Variants in CDIP1 observed in about 807,000 individuals in gnomAD.
CDIP1 encodes the protein cell death-inducing p53-target protein 1.
In CDIP1, 9 loss-of-function variants were observed where a neutral mutation model predicts 17.7. The ratio of observed to expected loss-of-function variants is 0.51; its 90% CI spans 0.31 to 0.89. The LOEUF is 0.89. CDIP1 is among the 40% of genes least tolerant of loss of function. The pLI is 0.05. For missense variants in CDIP1, 263 were observed against 277.9 expected (o/e 0.95, Z 0.38); for synonymous variants, 117 against 109.5 (o/e 1.07, Z -0.43).
intron 1 of CDIP1, among the ~76,000 whole-genome samples, chr16:4,530,666 AC>A: frequency 6.6e-6 from 1 of 151,552 alleles, no homozygotes; most frequent in South Asian, 2.1e-4. Context: ...AAAAACAAAA[AC>A]AAAAAAAACA....
intron 1 of CDIP1, among the ~76,000 whole-genome samples, chr16:4,521,876 T>A (rs1246574838): frequency 6.6e-6 from 1 of 152,088 alleles, no homozygotes; most frequent in African/African-American, 2.4e-5. Flanking sequence ...GAAGAGAGAC[T>A]GTGTGTGAAA....
rs1284118011 is a variant in CDIP1 at position 4,513,000 on chromosome 16, T to C, written c.306A>G (p.Pro102=). The part of the protein sequence containing the change: ...MGYYPPGPYT[P]GPYPGPGGHT... ...GGCCCCCAGGGCCAGGGTAGGGCCC[T>C]GGCGTGTAGGGCCCTGGGGGGTAGT... is the stretch of plus-strand genomic sequence containing the variant. Residue 102 remains proline, a synonymous_variant, in exon 5 of 6, where the codon CCA becomes CCG. Coordinates refer to ENST00000567695, the MANE Select transcript of CDIP1 (RefSeq NM_013399.3). This position sits in a 1 kb window ranked among gnomAD's most constrained non-coding sequence, Gnocchi z 4.6. The C allele has an allele frequency of 1.3e-6, 2 of 1,590,654 alleles. No individual in the cohort carries two copies. Among genetic ancestry groups the C allele is most frequent in the Admixed American group, 1.8e-5 (1 of 55,466 alleles).
intron 1 of CDIP1, among the ~76,000 whole-genome samples, chr16:4,537,135 G>A (rs557933671): frequency 6.6e-6 from 1 of 152,230 alleles, no homozygotes; most frequent in Admixed American, 6.5e-5. Flanking sequence ...TCTAATTAAT[G>A]ACATGCATGC....
chr16:4,537,730 G>A (rs2059123876), intron 1 of CDIP1, among the ~76,000 whole-genome samples: 1 of 152,202 alleles, frequency 6.6e-6, no homozygotes, highest in Non-Finnish European at 1.5e-5. Context: ...TTTCCCAAGA[G>A]CCCCAGGTGG....
intron 1 of CDIP1, among the ~76,000 whole-genome samples, chr16:4,527,373 C>T (rs2059011235): frequency 6.6e-6 from 1 of 152,174 alleles, no homozygotes; most frequent in Non-Finnish European, 1.5e-5. Flanking sequence ...AGGCAAGTGC[C>T]ACCGCACCCG....
At chr16:4,536,541 C>T (rs2059107768) in intron 1 of CDIP1, 1 of 152,150 alleles carries the variant, frequency 6.6e-6, no homozygotes, top group Non-Finnish European at 1.5e-5. Flanking sequence ...ATTCCGTTAG[C>T]TCCTTCTCAA....
At chr16:4,523,586 A>T (rs1257584618) in intron 1 of CDIP1, among the ~76,000 whole-genome samples, 2 of 152,112 alleles carry the variant, frequency 1.3e-5, no homozygotes, top group African/African-American at 4.8e-5. Context: ...AGCGTTAAAT[A>T]ATCACCCCCC....
At position 4,513,382 on chromosome 16, in the gene CDIP1, A is replaced by G. The variant is rs556131358; in HGVS notation, c.241+314T>C. Among the ~76,000 whole-genome samples, 2 of 152,284 alleles carry G rather than the reference A, an allele frequency of 1.3e-5. No homozygotes were observed. Among genetic ancestry groups the G allele is most frequent in the East Asian group, 3.9e-4 (2 of 5,182 alleles). ...TGCAAGGACAGGGCACTCAGCCTCA[A>G]GCCCATGACCAAGAGAGGGAAAGCC... On this transcript the variant is annotated intron_variant, in intron 4 of 5. Transcript: ENST00000567695. The surrounding 1 kb of genome is among the most constrained non-coding windows in gnomAD (Gnocchi z 4.1).
At chr16:4,536,452 C>A (rs1374018486) in intron 1 of CDIP1, 1 of 152,134 alleles carries the variant, frequency 6.6e-6, no homozygotes, top group Non-Finnish European at 1.5e-5. Flanking sequence ...TGTAAAGAGC[C>A]GACAGGGAGT....
At chr16:4,528,474 T>C (rs2059022978) in intron 1 of CDIP1, among the ~76,000 whole-genome samples, 1 of 152,104 alleles carries the variant, frequency 6.6e-6, no homozygotes, top group Non-Finnish European at 1.5e-5. Flanking sequence ...ATGTGGAGTT[T>C]CTAGTTTTTT....
intron 1 of CDIP1, among the ~76,000 whole-genome samples, chr16:4,536,984 C>T (rs1357392184): frequency 6.6e-6 from 1 of 152,110 alleles, no homozygotes; most frequent in African/African-American, 2.4e-5. Context: ...TTCCCTGGTT[C>T]TCCCATCCTG....
At chr16:4,529,019 C>G (rs1165162589) in intron 1 of CDIP1, among the ~76,000 whole-genome samples, 1 of 152,008 alleles carries the variant, frequency 6.6e-6, no homozygotes, top group African/African-American at 2.4e-5. Context: ...ACTCCTCATA[C>G]TCCTCAATCC....
chr16:4,530,229 G>C (rs2059041124), intron 1 of CDIP1, among the ~76,000 whole-genome samples: 1 of 152,234 alleles, frequency 6.6e-6, no homozygotes, highest in African/African-American at 2.4e-5. Flanking sequence ...AGATGCAACA[G>C]TATATAGCAT....
chr16:4,530,352 T>C (rs1432495789), intron 1 of CDIP1, among the ~76,000 whole-genome samples: 3 of 152,188 alleles, frequency 2.0e-5, no homozygotes, highest in Non-Finnish European at 4.4e-5. Flanking sequence ...CACTGCATTA[T>C]ATGAAACAGT....
intron 1 of CDIP1, among the ~76,000 whole-genome samples, chr16:4,535,278 G>C (rs774087383): frequency 2.6e-5 from 4 of 152,166 alleles, no homozygotes; most frequent in Non-Finnish European, 2.9e-5. Flanking sequence ...CCTCCTTGCA[G>C]TAAGAATCGA....
At position 4,512,612 on chromosome 16, in the gene CDIP1, C is replaced by G. The variant is rs1262163002; in HGVS notation, c.587G>C (p.Ser196Thr). ...GTACGTGTAGATGTAGGCTTTGCAG[C>G]TGGGGCATGTGTGCGTCACATCCTT... Reference protein sequence around the residue: ...DFKDVTHTCPSCKAYIYTYKR... With the variant: ...DFKDVTHTCPTCKAYIYTYKR... Residue 196 changes from serine to threonine, a missense_variant, in exon 6 of 6, where the codon AGC becomes ACC. Ser to Thr is a moderately conservative substitution (Grantham distance 58, BLOSUM62 1). Coordinates refer to ENST00000567695, the MANE Select transcript of CDIP1 (RefSeq NM_013399.3). This position sits in a 1 kb window ranked among gnomAD's most constrained non-coding sequence, Gnocchi z 4.6. 2 of 1,613,928 alleles carry G rather than the reference C, an allele frequency of 1.2e-6. No homozygotes were observed. Among genetic ancestry groups the G allele is most frequent in the African/African-American group, 2.7e-5 (2 of 74,972 alleles).
chr16:4,534,094 G>A (rs1318136298), intron 1 of CDIP1, among the ~76,000 whole-genome samples: 1 of 152,044 alleles, frequency 6.6e-6, no homozygotes, highest in Non-Finnish European at 1.5e-5. Flanking sequence ...GGAATTACAG[G>A]CACCTGCCCC....
chr16:4,521,725 C>T (rs1012863823), intron 1 of CDIP1, among the ~76,000 whole-genome samples: 1 of 140,092 alleles, frequency 7.1e-6, no homozygotes, highest in Non-Finnish European at 1.5e-5. Flanking sequence ...AAAAAAAAGG[C>T]GGGGGGGCCC....
chr16:4,529,511 G>A lies in CDIP1; in HGVS notation c.-105+9191C>T, dbSNP rs1017122225. On this transcript the variant is annotated intron_variant, in intron 1 of 5. Transcript: ENST00000567695. ...AGAGAAAATGAAGGAAGCACAGACA[G>A]GAGGGGAAATGCAGAGCAAAAGGAA... 7.2e-5 allele frequency among the ~76,000 whole-genome samples: 11 copies of A among 152,322 alleles called. No homozygotes were observed. The South Asian group carries it at 2.3e-3, about 32-fold the overall frequency.
Sources: gnomAD v4.1 joint callset for allele counts (sites outside exome capture counted in the v4.1 genomes callset) on GRCh38, gnomAD v4.1.1 for gene constraint, Gnocchi (gnomAD v3.1) non-coding constraint, MANE v1.5 for transcripts, NCBI Gene and HGNC (gene_info 2026-07-23, HGNC 2026-07-21) for gene names.